Variants in C3orf20 observed in about 807,000 individuals in gnomAD.
C3orf20 encodes the protein uncharacterized protein C3orf20.
C3orf20 carries 76 observed loss-of-function variants against 88.3 expected under a neutral mutation model. That is an observed-to-expected ratio of 0.86 (90% confidence interval 0.72 to 1.04). The LOEUF is 1.04. C3orf20 is among the 50% of genes least tolerant of loss of function. The pLI is 0.00. For missense variants in C3orf20, 1,056 were observed against 1,123.3 expected, an observed-to-expected ratio of 0.94 and a Z score of 0.86; for synonymous variants, 436 against 437.4, an observed-to-expected ratio of 1.00 and a Z score of 0.04.
At chr3:14,729,150 G>A (rs1470884779) in intron 12 of C3orf20, among the ~76,000 whole-genome samples, 1 of 152,212 alleles carries the variant, frequency 6.6e-6, no homozygotes, top group African/African-American at 2.4e-5. Flanking sequence ...GGCCTGCAAA[G>A]TCTCAGGTAT....
intron 1 of C3orf20, among the ~76,000 whole-genome samples, chr3:14,681,681 A>G (rs2032100785): frequency 6.6e-6 from 1 of 152,220 alleles, no homozygotes; most frequent in Admixed American, 6.5e-5. Context: ...GTGTAGCATA[A>G]GATGTGACTA....
intron 12 of C3orf20, among the ~76,000 whole-genome samples, chr3:14,742,929 C>T (rs1190454994): frequency 6.6e-6 from 1 of 152,016 alleles, no homozygotes; most frequent in Non-Finnish European, 1.5e-5. Flanking sequence ...CCCACTGGGT[C>T]CCTCCCACAA....
rs2033354128 is a variant in C3orf20, at chr3:14,703,292, G to A, written c.878+30G>A. On this transcript the variant is annotated intron_variant, in intron 6 of 16. Coordinates refer to ENST00000253697, the MANE Select transcript of C3orf20 (RefSeq NM_032137.5). ...GCACCTCAGTGCTTGGGTCGGGGGAGTCAAGGGTTCTCAGAAAGCCTGGCC... is the reference window on the plus strand; with the variant it reads ...GCACCTCAGTGCTTGGGTCGGGGGAATCAAGGGTTCTCAGAAAGCCTGGCC... The A allele has an allele frequency of 3.1e-6, 5 of 1,612,676 alleles. No homozygotes were observed. In the South Asian group the frequency reaches 4.4e-5, roughly 14 times the overall value.
chr3:14,759,980 G>C lies in C3orf20; in HGVS notation c.2334G>C (p.Val778=). ...CCCTGATGGTGAAGAAGAACTCTGT[G>C]GTGCAGGGGATGATTCTGGTGAGCC... ...DPPLMVKKNS[V]VQGMILMFAG... The change falls in exon 14 of 17, where the codon GTG becomes GTC. Residue 778 remains valine (V), a synonymous_variant. Coordinates refer to ENST00000253697, the MANE Select transcript of C3orf20 (RefSeq NM_032137.5). The C allele has an allele frequency of 6.2e-7, 1 of 1,613,936 alleles. No homozygotes were observed. The highest frequency in any genetic ancestry group is 8.5e-7 in the Non-Finnish European group (1 of 1,179,828).
intron 1 of C3orf20, among the ~76,000 whole-genome samples, chr3:14,679,610 C>T (rs960267917): frequency 2.0e-5 from 3 of 151,930 alleles, no homozygotes; most frequent in Non-Finnish European, 4.4e-5. Context: ...CCATCTTATC[C>T]ATTTCAGGCA....
intron 12 of C3orf20, among the ~76,000 whole-genome samples, chr3:14,733,671 A>G (rs1306275187): frequency 6.6e-6 from 1 of 151,628 alleles, no homozygotes; most frequent in East Asian, 1.9e-4. Context: ...ATTTTATCTA[A>G]ATGTTTAAAT....
At chr3:14,753,835 C>T (rs185436183) in intron 12 of C3orf20, among the ~76,000 whole-genome samples, 57 of 152,034 alleles carry the variant, frequency 3.7e-4, no homozygotes, top group Middle Eastern at 6.8e-3. Flanking sequence ...AAGTGGTCAG[C>T]TAGTGATTTG....
chr3:14,689,265 G>A (rs1258339832), intron 4 of C3orf20, among the ~76,000 whole-genome samples: 1 of 152,140 alleles, frequency 6.6e-6, no homozygotes, highest in Non-Finnish European at 1.5e-5. Context: ...ACTAGCAGAG[G>A]TGATTACTTT....
chr3:14,771,311 G>A (rs186294945), intron 15 of C3orf20, among the ~76,000 whole-genome samples: 108 of 152,356 alleles, frequency 7.1e-4, no homozygotes, highest in African/African-American at 2.6e-3. Flanking sequence ...CCAGCCTATG[G>A]TATTTTGTAA....
intron 9 of C3orf20, among the ~76,000 whole-genome samples, chr3:14,717,710 C>T (rs1345207228): frequency 6.6e-6 from 1 of 152,088 alleles, no homozygotes; most frequent in African/African-American, 2.4e-5. Context: ...GGTACCATTT[C>T]TCTTCAGCCT....
intron 13 of C3orf20, 62 bp downstream of exon 13, chr3:14,757,736 A>G (rs948840053): frequency 8.7e-6 from 13 of 1,488,452 alleles, no homozygotes; most frequent in African/African-American, 1.4e-5. Flanking sequence ...GGGCAGTCCG[A>G]GAAAACCCCC....
At chr3:14,767,829 T>A (rs754541347) in intron 15 of C3orf20, among the ~76,000 whole-genome samples, 5 of 152,248 alleles carry the variant, frequency 3.3e-5, no homozygotes, top group Admixed American at 2.6e-4. Context: ...GAGCACTCCG[T>A]AAGCTACTGT....
chr3:14,701,973 G>A lies in C3orf20; in HGVS notation c.746-1157G>A, dbSNP rs2033282037. ...TACCCCCAATATTCTGACATTTAAA[G>A]GATGCTGCTCTCCTGCTCTTCTTGG... On this transcript the variant is annotated intron_variant, in intron 5 of 16. Transcript: ENST00000253697. This position sits in a 1 kb window ranked among gnomAD's most constrained non-coding sequence, Gnocchi z 4.6. Among the ~76,000 whole-genome samples, 1 of 152,140 alleles carries A rather than the reference G, an allele frequency of 6.6e-6. No homozygotes were observed. The highest frequency in any genetic ancestry group is 1.5e-5 in the Non-Finnish European group (1 of 68,038).
chr3:14,769,495 AC>A (rs1156888640), intron 15 of C3orf20, among the ~76,000 whole-genome samples: 2 of 152,066 alleles, frequency 1.3e-5, no homozygotes, highest in African/African-American at 4.8e-5. Flanking sequence ...ACTTGGTAGC[AC>A]CCCTGCCCCT....
At chr3:14,749,996 G>GA (rs35932310) in intron 12 of C3orf20, among the ~76,000 whole-genome samples, 133 of 146,050 alleles carry the variant, frequency 9.1e-4, no homozygotes, top group South Asian at 3.6e-3. Flanking sequence ...AAATCATACA[G>GA]AAAAAAAAAA....
At chr3:14,741,487 T>A (rs188911788) in intron 12 of C3orf20, among the ~76,000 whole-genome samples, 64 of 152,358 alleles carry the variant, frequency 4.2e-4, no homozygotes, top group African/African-American at 1.5e-3. Context: ...CCTCACTGAC[T>A]TGTGACTCTA....
In C3orf20 at chr3:14,678,082, C is replaced by T. The variant is rs1182765719; in HGVS notation, c.-299+2830C>T. ...TAGCGGCATCCAGTTCCTTGCTGTT[C>T]CACAAACTTGTCAGGGCTGTTTGGA... On this transcript the variant is annotated intron_variant, in intron 1 of 16. Coordinates refer to ENST00000253697, the MANE Select transcript of C3orf20 (RefSeq NM_032137.5). 2.0e-5 allele frequency among the ~76,000 whole-genome samples: 3 copies of T among 152,100 alleles called. No homozygotes were observed. The East Asian group carries it at 5.8e-4, about 29-fold the overall frequency.
At chr3:14,759,020 C>T (rs971595741) in intron 13 of C3orf20, among the ~76,000 whole-genome samples, 1 of 152,206 alleles carries the variant, frequency 6.6e-6, no homozygotes, top group Non-Finnish European at 1.5e-5. Flanking sequence ...TAACAGTTGT[C>T]CCTAAGCAAT....
At chr3:14,696,522 C>T (rs1301547434) in intron 5 of C3orf20, among the ~76,000 whole-genome samples, 1 of 151,876 alleles carries the variant, frequency 6.6e-6, no homozygotes, top group East Asian at 1.9e-4. Flanking sequence ...TCCCAAGTAG[C>T]TGGGACTACA....
Sources: allele counts gnomAD v4.1 joint callset (sites outside exome capture counted in the v4.1 genomes callset), GRCh38; gene constraint gnomAD v4.1.1; non-coding constraint Gnocchi (gnomAD v3.1); transcripts MANE v1.5; gene names NCBI Gene and HGNC (gene_info 2026-07-23, HGNC 2026-07-21).